The following LLPH variants were observed in gnomAD, a reference collection of about 807,000 sequenced individuals.
The protein encoded by LLPH is LLP homolog, long-term synaptic facilitation factor.
In LLPH, 5 loss-of-function variants were observed where a neutral mutation model predicts 13.3. That is an observed-to-expected ratio of 0.38 (90% CI 0.20 to 0.79). The LOEUF (loss-of-function observed/expected upper bound fraction) is 0.79. LLPH is among the 30% of genes least tolerant of loss of function. LLPH has a pLI of 0.45. For synonymous variants in LLPH, 32 were observed against 44.2 expected, an observed-to-expected ratio of 0.72 and a Z score of 1.09; for missense variants, 129 against 152.1, an observed-to-expected ratio of 0.85 and a Z score of 0.80.
chr12:66,124,072 G>C, intron 2 of LLPH, 54 bp from the exon 3 acceptor site: 4 of 1,234,562 alleles, frequency 3.2e-6, no homozygotes, highest in Non-Finnish European at 4.6e-6. Context: ...AAACCACCCT[G>C]TGAAAGCATA....
At chr12:66,130,369 T>G (rs2051527204) in intron 1 of LLPH, 1 of 152,286 alleles carries the variant, frequency 6.6e-6, no homozygotes, top group Admixed American at 6.5e-5. Flanking sequence ...CTAACATTTT[T>G]TGAACGCCGG....
At position 66,117,474 on chromosome 12, in the gene LLPH, G is replaced by A. The variant is rs1402018483; in HGVS notation, c.*6366C>T. The stretch of plus-strand genomic sequence containing the variant: ...TGCAATGCATTACTCACGTGTTTGT[G>A]GTGATGCTGGTGTAAACAAACCTAC... On this transcript the variant is annotated 3_prime_UTR_variant, in exon 3 of 3. Transcript: ENST00000266604. 2 of 152,190 alleles carry A rather than the reference G, an allele frequency of 1.3e-5. No homozygotes were observed. Among genetic ancestry groups the A allele is most frequent in the East Asian group, 3.8e-4 (2 of 5,198 alleles). 9.4% of individuals were successfully genotyped at this position (152,190 alleles called of 1,614,324 possible).
In LLPH at chr12:66,123,729, A is replaced by T; in HGVS notation, c.*111T>A. The T allele has an allele frequency of 8.2e-7, 1 of 1,225,482 alleles. No homozygotes were observed. The highest frequency in any genetic ancestry group is 1.1e-6 in the Non-Finnish European group (1 of 881,886). The allele number at this position is 1,225,482 out of a possible 1,614,324, so 75.9% of individuals were successfully genotyped here. On this transcript the variant is annotated 3_prime_UTR_variant, in exon 3 of 3. Transcript: ENST00000266604. ...AATTGAAGAAAAAAGGCCAAGTTAA[A>T]ATAGGAAAACAAATGGTTTTCATTT...
Position 66,121,342 on chromosome 12 carries a change from G to A in LLPH, c.*2498C>T, listed in dbSNP as rs993269905. 6.7e-6 allele frequency: 1 copy of A among 148,710 alleles called. No homozygotes were observed. Among genetic ancestry groups the A allele is most frequent in the Non-Finnish European group, 1.5e-5 (1 of 67,772 alleles). 9.2% of individuals were successfully genotyped at this position (148,710 alleles called of 1,614,324 possible). ...TTCTTGCTCAGGCTGGAGTGCAATG[G>A]TGTGGTCTTGACTCACTGCAACCTC... On this transcript the variant is annotated 3_prime_UTR_variant, in exon 3 of 3. Transcript: ENST00000266604.
rs1256852303 is a variant in LLPH at position 66,120,944 on chromosome 12, G to C, written c.*2896C>G. 1 of 152,190 alleles carries C rather than the reference G, an allele frequency of 6.6e-6. No homozygotes were observed. The highest frequency in any genetic ancestry group is 1.5e-5 in the Non-Finnish European group (1 of 68,048). 9.4% of individuals were successfully genotyped at this position (152,190 alleles called of 1,614,324 possible). A position where few individuals can be genotyped will look rare whatever the true frequency, so the allele number is the denominator to read the frequency against. On this transcript the variant is annotated 3_prime_UTR_variant, in exon 3 of 3. Transcript: ENST00000266604. ...CCTTAGAGGGTACTGACAACACTGT[G>C]TCAGTAAACTTCTCTTCAGCAGTCG...
Position 66,123,999 on chromosome 12 carries a change from A to G in LLPH, c.231T>C (p.Thr77=), listed in dbSNP as rs781320163. ...GAGTCTTTTTGTTTCTCTTAATATC[A>G]GTCTCCATTTTCATGTCATCTGCAT... The part of the protein sequence containing the change: ...KDEKDDMKME[T]DIKRNKKTLL... Residue 77 remains threonine (T), a synonymous_variant, in exon 3 of 3, where the codon ACT becomes ACC. Coordinates refer to ENST00000266604, the MANE Select transcript of LLPH (RefSeq NM_032338.4). 1 of 1,602,626 alleles carries G rather than the reference A, an allele frequency of 6.2e-7. No homozygotes were observed. The highest frequency in any genetic ancestry group is 1.1e-5 in the South Asian group (1 of 88,030).
Position 66,119,817 on chromosome 12 carries a change from T to C in LLPH, c.*4023A>G, listed in dbSNP as rs2051451652. 6.6e-6 allele frequency: 1 copy of C among 152,236 alleles called. No homozygotes were observed. The highest frequency in any genetic ancestry group is 2.4e-5 in the African/African-American group (1 of 41,462). The allele number at this position is 152,236 out of a possible 1,614,324, so 9.4% of individuals were successfully genotyped here. ...CACCAGTCCATTTCAGATATTTGATTCAAGTCATTTATAGCTATTTTTCTT... is the reference window on the plus strand; with the variant it reads ...CACCAGTCCATTTCAGATATTTGATCCAAGTCATTTATAGCTATTTTTCTT... On this transcript the variant is annotated 3_prime_UTR_variant, in exon 3 of 3. Coordinates refer to ENST00000266604, the MANE Select transcript of LLPH (RefSeq NM_032338.4).
At chr12:66,128,313 G>A (rs2051510333) in intron 2 of LLPH, among the ~76,000 whole-genome samples, 1 of 152,106 alleles carries the variant, frequency 6.6e-6, no homozygotes, top group Admixed American at 6.5e-5. Flanking sequence ...TGCCAAATTG[G>A]TGCATTAAAT....
chr12:66,116,831 C>G lies in LLPH; in HGVS notation c.*7009G>C, dbSNP rs760420441. ...AAATGAAAACTTGAAGGACTTTACT[C>G]CATTCATTTTTCTTTACAGGACTAT... On this transcript the variant is annotated 3_prime_UTR_variant, in exon 3 of 3. Transcript: ENST00000266604. 6.6e-6 allele frequency: 1 copy of G among 152,276 alleles called. No homozygotes were observed. The highest frequency in any genetic ancestry group is 1.9e-4 in the East Asian group (1 of 5,190). 9.4% of individuals were successfully genotyped at this position (152,276 alleles called of 1,614,324 possible). A position where few individuals can be genotyped will look rare whatever the true frequency, so the allele number is the denominator to read the frequency against.
rs140535097 is a variant in LLPH, at chr12:66,124,427, T to C, written c.212-409A>G. Among the ~76,000 whole-genome samples, 21 of 152,316 alleles carry C rather than the reference T, an allele frequency of 1.4e-4. No homozygotes were observed. The East Asian group carries it at 3.9e-3, about 28-fold the overall frequency. The stretch of plus-strand genomic sequence containing the variant: ...TAATGAACTGAGAACGAACTTCTAA[T>C]GAACTCGATGGAGTAGTCAGCAGCA... On this transcript the variant is annotated intron_variant, in intron 2 of 2. Coordinates refer to ENST00000266604, the MANE Select transcript of LLPH (RefSeq NM_032338.4).
At position 66,119,686 on chromosome 12, in the gene LLPH, A is replaced by T. The variant is rs1285194518; in HGVS notation, c.*4154T>A. 2 of 152,212 alleles carry T rather than the reference A, an allele frequency of 1.3e-5. No homozygotes were observed. 9.4% of individuals were successfully genotyped at this position (152,212 alleles called of 1,614,324 possible). On this transcript the variant is annotated 3_prime_UTR_variant, in exon 3 of 3. Coordinates refer to ENST00000266604, the MANE Select transcript of LLPH (RefSeq NM_032338.4). ...GATTAGCCAACAGCTTAGCATCTGC[A>T]TTTCTATTGTAGTATTTATAAATTT...
Position 66,122,146 on chromosome 12 carries a change from T to C in LLPH, c.*1694A>G, listed in dbSNP as rs1031031213. On this transcript the variant is annotated 3_prime_UTR_variant, in exon 3 of 3. Transcript: ENST00000266604. Reference sequence around the variant, plus strand: ...TATCTACCAACTTTTCAATAAACTATTGAGAAAAATAAGAAAAGTCTACTA... The same window carrying C: ...TATCTACCAACTTTTCAATAAACTACTGAGAAAAATAAGAAAAGTCTACTA... 3 of 152,182 alleles carry C rather than the reference T, an allele frequency of 2.0e-5. No individual in the cohort carries two copies. Among genetic ancestry groups the C allele is most frequent in the African/African-American group, 7.2e-5 (3 of 41,430 alleles). 9.4% of individuals were successfully genotyped at this position (152,182 alleles called of 1,614,324 possible).
chr12:66,125,594 T>C (rs958127594), intron 2 of LLPH, among the ~76,000 whole-genome samples: 2 of 152,058 alleles, frequency 1.3e-5, no homozygotes, highest in African/African-American at 4.8e-5. Flanking sequence ...AGGCAGGACA[T>C]AAGATAATTT....
At chr12:66,130,300 G>C (rs1249859836) in intron 1 of LLPH, among the ~76,000 whole-genome samples, 2 of 152,186 alleles carry the variant, frequency 1.3e-5, no homozygotes, top group Non-Finnish European at 2.9e-5. Context: ...CGAAGGTAGA[G>C]GGAAAGGTCT....
chr12:66,121,937 A>G lies in LLPH; in HGVS notation c.*1903T>C, dbSNP rs927037683. 3 of 151,206 alleles carry G rather than the reference A, an allele frequency of 2.0e-5. No homozygotes were observed. The highest frequency in any genetic ancestry group is 4.4e-5 in the Non-Finnish European group (3 of 67,848). 9.4% of individuals were successfully genotyped at this position (151,206 alleles called of 1,614,324 possible). On this transcript the variant is annotated 3_prime_UTR_variant, in exon 3 of 3. Transcript: ENST00000266604. ...ATTCAGCTACTGTATTTAGGCTGAT[A>G]TTGTCAGTGGCTTAACTGGTTGTTT...
chr12:66,129,315 A>G (rs542031386), intron 1 of LLPH, among the ~76,000 whole-genome samples: 3 of 152,302 alleles, frequency 2.0e-5, no homozygotes, highest in African/African-American at 4.8e-5. Context: ...AAATAACAAG[A>G]TATCAAATCA....
chr12:66,122,971 A>C lies in LLPH; in HGVS notation c.*869T>G, dbSNP rs2051472749. 1 of 152,142 alleles carries C rather than the reference A, an allele frequency of 6.6e-6. No homozygotes were observed. Among genetic ancestry groups the C allele is most frequent in the Non-Finnish European group, 1.5e-5 (1 of 68,020 alleles). The allele number at this position is 152,142 out of a possible 1,614,324, so 9.4% of individuals were successfully genotyped here. A position where few individuals can be genotyped will look rare whatever the true frequency, so the allele number is the denominator to read the frequency against. On this transcript the variant is annotated 3_prime_UTR_variant, in exon 3 of 3. Coordinates refer to ENST00000266604, the MANE Select transcript of LLPH (RefSeq NM_032338.4). ...TTTGTATATGTTAATATTCTACCTA[A>C]AATTAAGATAAGAAAACATTTAATT... is the stretch of plus-strand genomic sequence containing the variant.
At chr12:66,129,788 C>T (rs1390173263) in intron 1 of LLPH, among the ~76,000 whole-genome samples, 1 of 152,110 alleles carries the variant, frequency 6.6e-6, no homozygotes, top group Non-Finnish European at 1.5e-5. Flanking sequence ...TTTTTATAAA[C>T]ACTTCACCTC....
intron 2 of LLPH, among the ~76,000 whole-genome samples, chr12:66,125,428 G>T (rs777828119): frequency 6.6e-6 from 1 of 152,060 alleles, no homozygotes; most frequent in Admixed American, 6.5e-5. Flanking sequence ...GCAGGCAGTT[G>T]AAAGAGTAGA....
Sources: gnomAD v4.1 joint callset for allele counts (sites outside exome capture counted in the v4.1 genomes callset) on GRCh38, gnomAD v4.1.1 for gene constraint, MANE v1.5 for transcripts, NCBI Gene and HGNC (gene_info 2026-07-23, HGNC 2026-07-21) for gene names.